ZNF423: variants seen among roughly 807,000 people sequenced by gnomAD.
ZNF423 encodes the protein zinc finger protein 423.
ZNF423 carries 12 observed loss-of-function variants against 95.8 expected under a neutral mutation model. That is an observed-to-expected ratio of 0.13 (90% CI 0.08 to 0.20). ZNF423 has a LOEUF of 0.20. Among genes scored for constraint, ZNF423 ranks in the 10% least tolerant of loss-of-function variants. The probability of loss-of-function intolerance (pLI) is 1.00; values close to 1 mark genes in which losing one functional copy is unlikely to be tolerated. For synonymous variants in ZNF423, 749 were observed against 711.9 expected (o/e 1.05, Z -0.83); for missense variants, 1,316 against 1,737.1 (o/e 0.76, Z 4.31).
intron 1 of ZNF423, among the ~76,000 whole-genome samples, chr16:49,806,128 G>C (rs2034659559): frequency 6.6e-6 from 1 of 152,242 alleles, no homozygotes; most frequent in African/African-American, 2.4e-5. Context: ...ATTTACAATG[G>C]GGTCTGGCTC....
chr16:49,532,364 A>G (rs1345607266), intron 5 of ZNF423, among the ~76,000 whole-genome samples: 3 of 152,160 alleles, frequency 2.0e-5, no homozygotes. Context: ...TTGAAGGCAC[A>G]GCCCACCACG....
chr16:49,564,779 G>C (rs1030038005), intron 5 of ZNF423, among the ~76,000 whole-genome samples: 5 of 152,284 alleles, frequency 3.3e-5, no homozygotes, highest in South Asian at 4.2e-4. Flanking sequence ...GCACAAGGAG[G>C]GGGTGCTGTG....
intron 3 of ZNF423, 68 bp downstream of exon 3, chr16:49,730,703 T>C (rs751783167): frequency 6.5e-7 from 1 of 1,527,100 alleles, no homozygotes; most frequent in East Asian, 2.3e-5. Context: ...ACTTGAGGCT[T>C]CAAGCTGTTG....
chr16:49,516,243 C>T (rs377678173), intron 7 of ZNF423, among the ~76,000 whole-genome samples: 1 of 152,204 alleles, frequency 6.6e-6, no homozygotes, highest in Non-Finnish European at 1.5e-5. Context: ...GTGCCCACAG[C>T]CCTGAGGCTT....
At chr16:49,711,027 C>T (rs1391180949) in intron 3 of ZNF423, among the ~76,000 whole-genome samples, 1 of 152,066 alleles carries the variant, frequency 6.6e-6, no homozygotes, top group Non-Finnish European at 1.5e-5. Context: ...TATGTAAAGC[C>T]AAGTTGGTAC....
In ZNF423 at chr16:49,663,518, G is replaced by A. The variant is rs564230130; in HGVS notation, c.302-24644C>T. Among the ~76,000 whole-genome samples the A allele has an allele frequency of 1.7e-4, 25 of 151,144 alleles. No individual in the cohort carries two copies. The East Asian group carries it at 2.3e-3, about 14-fold the overall frequency. On this transcript the variant is annotated intron_variant, in intron 3 of 7. Coordinates refer to ENST00000563137, the MANE Select transcript of ZNF423 (RefSeq NM_001379286.1). ...GTGACTGGAGAGGGGACCAGTGCCC[G>A]GGATGGGATGGCTTTTTAGGTGGCA...
chr16:49,538,034 T>C (rs1969115045), intron 5 of ZNF423, among the ~76,000 whole-genome samples: 1 of 152,190 alleles, frequency 6.6e-6, no homozygotes, highest in Admixed American at 6.5e-5. Context: ...AGCAGGTGCC[T>C]GCAGCCTAAG....
chr16:49,660,823 G>C (rs2030176415), intron 3 of ZNF423, among the ~76,000 whole-genome samples: 1 of 151,930 alleles, frequency 6.6e-6, no homozygotes, highest in Non-Finnish European at 1.5e-5. Flanking sequence ...CACAGAGCTG[G>C]GGCAGGGTGT....
At chr16:49,768,754 T>C (rs2033976187) in intron 2 of ZNF423, among the ~76,000 whole-genome samples, 1 of 147,608 alleles carries the variant, frequency 6.8e-6, no homozygotes, top group African/African-American at 2.5e-5. Context: ...AGTGGGTGCA[T>C]CTGTCCCAGC....
intron 1 of ZNF423, among the ~76,000 whole-genome samples, chr16:49,824,779 C>T (rs2034988058): frequency 6.6e-6 from 1 of 152,178 alleles, no homozygotes; most frequent in Non-Finnish European, 1.5e-5. Flanking sequence ...TGGACCCCGC[C>T]TCTCCACCAA....
At position 49,602,511 on chromosome 16, in the gene ZNF423, T is replaced by TG. The variant is rs111980769; in HGVS notation, c.3601+23658dup. ...CAGGGCACACTCAGCGAGTTTCGGG[T>TG]GGGGGGCAGTTTCAGCAGATTCCTC... On this transcript the variant is annotated intron_variant, in intron 5 of 7. Coordinates refer to ENST00000563137, the MANE Select transcript of ZNF423 (RefSeq NM_001379286.1). Among the ~76,000 whole-genome samples the TG allele has an allele frequency of 8.2e-3, 1,240 of 151,814 alleles. 14 individuals carry two copies. Among genetic ancestry groups the TG allele is most frequent in the African/African-American group, 0.027 (1,126 of 41,346 alleles).
At chr16:49,578,838 TC>T (rs369730326) in intron 5 of ZNF423, among the ~76,000 whole-genome samples, 1 of 152,346 alleles carries the variant, frequency 6.6e-6, no homozygotes, top group African/African-American at 2.4e-5. Flanking sequence ...GGTTTTCAGG[TC>T]ATTCTCTGGC....
upstream of ZNF423, among the ~76,000 whole-genome samples, chr16:49,858,201 AC>A (rs2035392325): frequency 6.8e-6 from 1 of 146,448 alleles, no homozygotes; most frequent in Non-Finnish European, 1.5e-5. This position sits in a 1 kb window ranked among gnomAD's most constrained non-coding sequence, Gnocchi z 4.3. Context: ...TCACGGAAAA[AC>A]CCGCTGCCCG....
intron 3 of ZNF423, among the ~76,000 whole-genome samples, chr16:49,720,665 A>C (rs1355811473): frequency 1.3e-5 from 2 of 152,240 alleles, no homozygotes; most frequent in African/African-American, 4.8e-5. Flanking sequence ...GACACTGTCA[A>C]AAGCAAAAGT....
rs56066766 is a variant in ZNF423 at position 49,644,658 on chromosome 16, C to CAAAAAAAAAA, written c.302-5794_302-5785dup. Among the ~76,000 whole-genome samples, 6 of 39,580 alleles carry CAAAAAAAAAA rather than the reference C, an allele frequency of 1.5e-4. 1 individual carries two copies. The highest frequency in any genetic ancestry group is 2.6e-4 in the Non-Finnish European group (6 of 23,014). 26.0% of individuals were successfully genotyped at this position (39,580 alleles called of 152,430 possible). A position where few individuals can be genotyped will look rare whatever the true frequency, so the allele number is the denominator to read the frequency against. ...GGGTAACAAGAGTAAAACTCTGACT[C>CAAAAAAAAAA]AAAAAAAAAAAAAAAAAAAAAAAAA... On this transcript the variant is annotated intron_variant, in intron 3 of 7. Coordinates refer to ENST00000563137, the MANE Select transcript of ZNF423 (RefSeq NM_001379286.1).
chr16:49,734,253 T>A (rs1406406507), intron 2 of ZNF423, among the ~76,000 whole-genome samples: 1 of 152,222 alleles, frequency 6.6e-6, no homozygotes, highest in Non-Finnish European at 1.5e-5. Context: ...CTGTCCTGTG[T>A]GCTGCTCTGT....
At chr16:49,696,418 C>A (rs1337784846) in intron 3 of ZNF423, among the ~76,000 whole-genome samples, 1 of 152,212 alleles carries the variant, frequency 6.6e-6, no homozygotes, top group Admixed American at 6.5e-5. Flanking sequence ...TGAAACAAGG[C>A]TACCAGAGAA....
At chr16:49,828,825 G>A (rs1486247861) in intron 1 of ZNF423, among the ~76,000 whole-genome samples, 3 of 152,206 alleles carry the variant, frequency 2.0e-5, no homozygotes, top group African/African-American at 4.8e-5. Flanking sequence ...GGAGACCCAG[G>A]GAGGCTCTTT....
At chr16:49,543,702 C>G (rs1424557906) in intron 5 of ZNF423, among the ~76,000 whole-genome samples, 2 of 152,196 alleles carry the variant, frequency 1.3e-5, no homozygotes, top group Non-Finnish European at 2.9e-5. Flanking sequence ...TCAGCCCTGT[C>G]GCCCGCTGAG....
Sources: allele counts gnomAD v4.1 joint callset (sites outside exome capture counted in the v4.1 genomes callset), GRCh38; gene constraint gnomAD v4.1.1; non-coding constraint Gnocchi (gnomAD v3.1); transcripts MANE v1.5; gene names NCBI Gene and HGNC (gene_info 2026-07-23, HGNC 2026-07-21).